The following VAT1L variants were observed in gnomAD, a reference collection of about 807,000 sequenced individuals.
VAT1L encodes the protein putative NADPH-dependent quinone oxidoreductase VAT1L.
VAT1L carries 34 observed loss-of-function variants against 44.1 expected under a neutral mutation model. The ratio of observed to expected loss-of-function variants is 0.77; its 90% confidence interval spans 0.59 to 1.03. The LOEUF is 1.03. Among genes scored for constraint, VAT1L ranks in the 50% least tolerant of loss-of-function variants. The pLI, the probability that VAT1L is intolerant of heterozygous loss-of-function variation, is 0.00. For missense variants in VAT1L, 615 were observed against 538.8 expected, an observed-to-expected ratio of 1.14 and a Z score of -1.40; for synonymous variants, 253 against 202.2, an observed-to-expected ratio of 1.25 and a Z score of -2.13.
rs117517061 is a variant in VAT1L, at chr16:77,949,301, G to T, written c.1078-22549G>T. 3.9e-5 allele frequency among the ~76,000 whole-genome samples: 6 copies of T among 152,282 alleles called. No individual in the cohort carries two copies. The South Asian group carries it at 6.2e-4, about 16-fold the overall frequency. On this transcript the variant is annotated intron_variant, in intron 7 of 8. Transcript: ENST00000302536. ...AGTCTAGATTCTGGTGGCCTGGAGC[G>T]AGTAAGTCAAGGGAGGTGGAGGCAA...
intron 1 of VAT1L, among the ~76,000 whole-genome samples, chr16:77,805,515 A>G (rs1442273755): frequency 2.0e-5 from 3 of 152,216 alleles, no homozygotes; most frequent in African/African-American, 7.2e-5. Context: ...ACATATTATC[A>G]GCAAGACGAG....
intron 4 of VAT1L, among the ~76,000 whole-genome samples, chr16:77,873,412 C>CAGAAT (rs1262781449): frequency 1.3e-5 from 2 of 152,176 alleles, no homozygotes; most frequent in African/African-American, 4.8e-5. Context: ...AGGAAGCACA[C>CAGAAT]ATATAGAGAC....
At chr16:77,863,765 G>A (rs956121289) in intron 4 of VAT1L, among the ~76,000 whole-genome samples, 2 of 152,102 alleles carry the variant, frequency 1.3e-5, no homozygotes, top group African/African-American at 2.4e-5. Flanking sequence ...AGGGACACCT[G>A]GGGGGAAAGG....
At chr16:77,900,820 C>T (rs1028571606) in intron 7 of VAT1L, among the ~76,000 whole-genome samples, 3 of 152,102 alleles carry the variant, frequency 2.0e-5, no homozygotes, top group African/African-American at 4.8e-5. Context: ...ACATCTTTTC[C>T]CTCTCTGACC....
At chr16:77,819,597 G>A (rs1403275021) in intron 2 of VAT1L, among the ~76,000 whole-genome samples, 1 of 152,124 alleles carries the variant, frequency 6.6e-6, no homozygotes, top group African/African-American at 2.4e-5. Context: ...TGGCCAGGCT[G>A]GTCTCGAACT....
At chr16:77,841,781 G>A (rs559911882) in intron 3 of VAT1L, among the ~76,000 whole-genome samples, 4 of 152,320 alleles carry the variant, frequency 2.6e-5, no homozygotes, top group African/African-American at 9.6e-5. Flanking sequence ...GGCAAAATGC[G>A]AGTCTCAACT....
At chr16:77,839,535 C>CAAAAAAAAAAAAAAA (rs71137846) in intron 3 of VAT1L, among the ~76,000 whole-genome samples, 1 of 49,086 alleles carries the variant, frequency 2.0e-5, no homozygotes. Flanking sequence ...TACTCCATAT[C>CAAAAAAAAAAAAAAA]AAAAAAAAAA....
At chr16:77,966,013 T>C (rs1354389713) in intron 7 of VAT1L, among the ~76,000 whole-genome samples, 1 of 152,122 alleles carries the variant, frequency 6.6e-6, no homozygotes, top group African/African-American at 2.4e-5. Flanking sequence ...CAGTGTAAAA[T>C]ACACCCTAGA....
At chr16:77,977,027 T>TC (rs2142550209) in intron 8 of VAT1L, among the ~76,000 whole-genome samples, 1 of 152,252 alleles carries the variant, frequency 6.6e-6, no homozygotes, top group East Asian at 1.9e-4. Flanking sequence ...CCCTCACACC[T>TC]CCCCTTGGCA....
intron 3 of VAT1L, among the ~76,000 whole-genome samples, chr16:77,832,975 T>G (rs765105694): frequency 5.3e-5 from 8 of 152,192 alleles, no homozygotes; most frequent in Non-Finnish European, 1.2e-4. Flanking sequence ...CGCAGGAGTA[T>G]ATTTTGTTGA....
intron 7 of VAT1L, among the ~76,000 whole-genome samples, chr16:77,916,815 T>C (rs78114979): frequency 6.4e-5 from 9 of 140,040 alleles, no homozygotes; most frequent in East Asian, 2.1e-4. Context: ...TTTTTTTTTT[T>C]CCTAAGTCAG....
intron 7 of VAT1L, among the ~76,000 whole-genome samples, chr16:77,962,343 T>C (rs569368115): frequency 6.6e-6 from 1 of 151,980 alleles, no homozygotes; most frequent in Non-Finnish European, 1.5e-5. Flanking sequence ...AGTGTATGTG[T>C]TGGGGGAGAC....
At chr16:77,902,185 C>T (rs1330779437) in intron 7 of VAT1L, among the ~76,000 whole-genome samples, 1 of 152,208 alleles carries the variant, frequency 6.6e-6, no homozygotes, top group East Asian at 1.9e-4. Flanking sequence ...ATGAGCTCAT[C>T]TTATTCCTTT....
At chr16:77,876,325 C>T in intron 4 of VAT1L, 45 bp from the exon 5 acceptor site, 1 of 1,523,426 alleles carries the variant, frequency 6.6e-7, no homozygotes, top group East Asian at 2.3e-5. Flanking sequence ...GACAGTCTGG[C>T]TCCTGACAGG....
chr16:77,874,675 C>T (rs992797675), intron 4 of VAT1L, among the ~76,000 whole-genome samples: 8 of 151,908 alleles, frequency 5.3e-5, no homozygotes, highest in Non-Finnish European at 8.8e-5. Context: ...ATTCTAGAGC[C>T]CCTTAGTGGC....
chr16:77,948,891 T>A (rs1343270399), intron 7 of VAT1L, among the ~76,000 whole-genome samples: 1 of 152,162 alleles, frequency 6.6e-6, no homozygotes, highest in South Asian at 2.1e-4. Context: ...GAAGGGACTA[T>A]TCCATGGAAA....
chr16:77,867,283 A>G (rs1378762360), intron 4 of VAT1L, among the ~76,000 whole-genome samples: 1 of 152,210 alleles, frequency 6.6e-6, no homozygotes, highest in East Asian at 1.9e-4. Flanking sequence ...AGGGTTTCAC[A>G]GGTGTGAACA....
At chr16:77,934,693 G>A (rs186661192) in intron 7 of VAT1L, among the ~76,000 whole-genome samples, 81 of 152,324 alleles carry the variant, frequency 5.3e-4, no homozygotes, top group Non-Finnish European at 8.2e-4. Flanking sequence ...ACACTAAAGG[G>A]TGATCACCAC....
chr16:77,864,440 C>CA lies in VAT1L; in HGVS notation c.722+1550_722+1551insA, dbSNP rs201058775. On this transcript the variant is annotated intron_variant, in intron 4 of 8. Coordinates refer to ENST00000302536, the MANE Select transcript of VAT1L (RefSeq NM_020927.3). ...AAGCTCGATCTCTACCTGTGCCCCC[C>CA]CACAAAAATACAAAACGTAGATGAG... is the stretch of plus-strand genomic sequence containing the variant. 4.8e-3 allele frequency among the ~76,000 whole-genome samples: 719 copies of CA among 150,652 alleles called. 5 individuals carry two copies. Among genetic ancestry groups the CA allele is most frequent in the African/African-American group, 0.017 (676 of 40,504 alleles).
Sources: allele counts gnomAD v4.1 joint callset (sites outside exome capture counted in the v4.1 genomes callset), GRCh38; gene constraint gnomAD v4.1.1; transcripts MANE v1.5; gene names NCBI Gene and HGNC (gene_info 2026-07-23, HGNC 2026-07-21).